Variants in POU6F2 observed in about 807,000 individuals in gnomAD.
POU6F2 encodes POU class 6 homeobox 2, also known as POU domain, class 6, transcription factor 2.
A neutral mutation model predicts 71.3 loss-of-function variants in POU6F2; 31 were observed. The observed-to-expected ratio is 0.43, with a 90% CI of 0.33 to 0.59. The LOEUF is 0.59. Ranked by LOEUF, POU6F2 falls within the 20% of genes least tolerant of loss-of-function variation. POU6F2 has a pLI of 0.04. For synonymous variants in POU6F2, 347 were observed against 355.7 expected (o/e 0.98, Z 0.27); for missense variants, 783 against 856.8 (o/e 0.91, Z 1.07).
At chr7:39,194,774 A>G (rs1237429362) in intron 2 of POU6F2, among the ~76,000 whole-genome samples, 2 of 152,180 alleles carry the variant, frequency 1.3e-5, no homozygotes, top group African/African-American at 2.4e-5. Flanking sequence ...ATGAGCTGTA[A>G]CACTCACCGC....
At chr7:39,298,464 C>T (rs1387866189) in intron 4 of POU6F2, among the ~76,000 whole-genome samples, 1 of 152,144 alleles carries the variant, frequency 6.6e-6, no homozygotes, top group East Asian at 1.9e-4. Context: ...AAGATACCAT[C>T]TCATGCTAGT....
intron 4 of POU6F2, among the ~76,000 whole-genome samples, chr7:39,281,111 TA>T (rs1784554966): frequency 7.3e-6 from 1 of 136,572 alleles, no homozygotes; most frequent in African/African-American, 3.1e-5. Flanking sequence ...TTAATGTTTA[TA>T]TTTTTTTATT....
At chr7:39,269,440 C>G (rs2128756423) in intron 4 of POU6F2, among the ~76,000 whole-genome samples, 1 of 152,362 alleles carries the variant, frequency 6.6e-6, no homozygotes, top group African/African-American at 2.4e-5. Flanking sequence ...GACAGCCCCC[C>G]AACACCCCCA....
intron 5 of POU6F2, among the ~76,000 whole-genome samples, chr7:39,346,491 G>A (rs1786035508): frequency 6.6e-6 from 1 of 152,200 alleles, no homozygotes; most frequent in Admixed American, 6.5e-5. Flanking sequence ...CCTGACAGTG[G>A]GGGTAGAGCA....
At chr7:39,296,494 A>G (rs1286534692) in intron 4 of POU6F2, among the ~76,000 whole-genome samples, 1 of 152,188 alleles carries the variant, frequency 6.6e-6, no homozygotes, top group East Asian at 1.9e-4. Context: ...TCTTCTCAAA[A>G]TGCAAATTTT....
intron 2 of POU6F2, among the ~76,000 whole-genome samples, chr7:39,093,744 G>A (rs1791399421): frequency 6.6e-6 from 1 of 151,976 alleles, no homozygotes; most frequent in South Asian, 2.1e-4. Context: ...TTTTAAAATA[G>A]CAATGCAAAT....
chr7:39,220,438 TG>T (rs368764667), intron 4 of POU6F2, among the ~76,000 whole-genome samples: 63 of 152,064 alleles, frequency 4.1e-4, no homozygotes, highest in African/African-American at 1.4e-3. Context: ...TGACAAGAGA[TG>T]GGGGAAAAAG....
At chr7:38,978,470 C>T (rs370800340) in intron 1 of POU6F2, among the ~76,000 whole-genome samples, 3 of 152,058 alleles carry the variant, frequency 2.0e-5, no homozygotes, top group African/African-American at 7.2e-5. Context: ...TTTGACTGTG[C>T]TCTCTCCTTC....
rs554719223 is a variant in POU6F2 at position 39,236,748 on chromosome 7, C to A, written c.598+29128C>A. ...ATCTCATATACAATTCTGCATTCTG[C>A]ACAAAGGGAAACTACCCAACTCACA... On this transcript the variant is annotated intron_variant, in intron 4 of 9. Transcript: ENST00000518318. 4.6e-5 allele frequency among the ~76,000 whole-genome samples: 7 copies of A among 152,104 alleles called. No homozygotes were observed. In the East Asian group the frequency reaches 1.4e-3, roughly 29 times the overall value.
chr7:38,998,186 G>T (rs1049526937), intron 1 of POU6F2, among the ~76,000 whole-genome samples: 3 of 152,128 alleles, frequency 2.0e-5, no homozygotes, highest in African/African-American at 7.2e-5. Context: ...ACAGTCATGT[G>T]AACAATATAT....
intron 4 of POU6F2, among the ~76,000 whole-genome samples, chr7:39,279,903 C>T (rs118058732): frequency 1.1e-4 from 17 of 152,214 alleles, no homozygotes; most frequent in Admixed American, 2.0e-4. Context: ...CCTGCCACTA[C>T]GCCCAGATAA....
chr7:39,295,771 A>C (rs796218487), intron 4 of POU6F2, among the ~76,000 whole-genome samples: 2 of 152,226 alleles, frequency 1.3e-5, no homozygotes, highest in African/African-American at 4.8e-5. Context: ...AAATTCATCC[A>C]CTAGAAATTT....
At chr7:39,042,133 G>A (rs1790204863) in intron 1 of POU6F2, among the ~76,000 whole-genome samples, 1 of 151,858 alleles carries the variant, frequency 6.6e-6, no homozygotes, top group African/African-American at 2.4e-5. Flanking sequence ...CCATTTCAAT[G>A]CCCACTGAGA....
intron 1 of POU6F2, among the ~76,000 whole-genome samples, chr7:39,034,841 T>G (rs1270666717): frequency 1.3e-5 from 2 of 152,174 alleles, no homozygotes; most frequent in Non-Finnish European, 2.9e-5. Flanking sequence ...GCCACATTCA[T>G]AGCCATTTGG....
chr7:39,094,583 C>A (rs1450377431), intron 2 of POU6F2, among the ~76,000 whole-genome samples: 2 of 151,956 alleles, frequency 1.3e-5, no homozygotes, highest in Non-Finnish European at 2.9e-5. Flanking sequence ...TTATTAATCT[C>A]CTTTTGCAGT....
intron 5 of POU6F2, among the ~76,000 whole-genome samples, chr7:39,350,031 G>A (rs1254974593): frequency 1.3e-5 from 2 of 152,200 alleles, no homozygotes; most frequent in East Asian, 3.9e-4. Context: ...TCAGCTCTGT[G>A]CTCAGAACTA....
intron 4 of POU6F2, among the ~76,000 whole-genome samples, chr7:39,293,769 C>T (rs992965951): frequency 1.1e-4 from 17 of 152,290 alleles, no homozygotes; most frequent in Admixed American, 9.8e-4. Flanking sequence ...AAAGGAAACC[C>T]GTGACTGTTT....
intron 4 of POU6F2, among the ~76,000 whole-genome samples, chr7:39,333,143 C>T (rs940377984): frequency 2.6e-5 from 4 of 152,148 alleles, no homozygotes; most frequent in Non-Finnish European, 4.4e-5. Flanking sequence ...AGGTGCAGCT[C>T]CCCTGGGGTA....
chr7:39,085,932 G>C lies in POU6F2; in HGVS notation c.178G>C (p.Gly60Arg), dbSNP rs779558665. ...GAGTGAAATGAATGCGGAGTTGAGA[G>C]GTGAGGACAAGGCTGCTACTTCAGA... is the stretch of plus-strand genomic sequence containing the variant. ...VRSEMNAELRGEDKAATSDSE... is the reference protein window; with the variant it reads ...VRSEMNAELRREDKAATSDSE... Residue 60 changes from glycine to arginine, a missense_variant, in exon 2 of 10, where the codon GGT (glycine) becomes CGT (arginine). Gly to Arg is a moderately radical substitution (Grantham distance 125). Transcript: ENST00000518318. 1 of 1,613,624 alleles carries C rather than the reference G, an allele frequency of 6.2e-7. No individual in the cohort carries two copies. Among genetic ancestry groups the C allele is most frequent in the Non-Finnish European group, 8.5e-7 (1 of 1,179,788 alleles).
Sources: gnomAD v4.1 joint callset for allele counts (sites outside exome capture counted in the v4.1 genomes callset) on GRCh38, gnomAD v4.1.1 for gene constraint, MANE v1.5 for transcripts, NCBI Gene and HGNC (gene_info 2026-07-23, HGNC 2026-07-21) for gene names.